DTNA: variants seen among roughly 807,000 people sequenced by gnomAD.
The protein encoded by DTNA is dystrophin-related protein 3.
A neutral mutation model predicts 100.7 loss-of-function variants in DTNA; 43 were observed. The ratio of observed to expected loss-of-function variants is 0.43; its 90% CI spans 0.33 to 0.55. DTNA has a LOEUF of 0.55. Ranked by LOEUF, DTNA falls within the 20% of genes least tolerant of loss-of-function variation. DTNA has a pLI of 0.04. For synonymous variants in DTNA, 349 were observed against 347.9 expected (o/e 1.00, Z -0.04); for missense variants, 798 against 953.9 (o/e 0.84, Z 2.15).
At chr18:34,784,785 T>G (rs2148869660) in intron 3 of DTNA, among the ~76,000 whole-genome samples, 1 of 152,272 alleles carries the variant, frequency 6.6e-6, no homozygotes, top group Non-Finnish European at 1.5e-5. Flanking sequence ...AAAATGCTGG[T>G]TGGATTTAAT....
chr18:34,635,248 T>C lies in DTNA; in HGVS notation c.-1-120728T>C, dbSNP rs78789598. On this transcript the variant is annotated intron_variant, in intron 1 of 19. Coordinates refer to the DTNA transcript ENST00000283365. The stretch of plus-strand genomic sequence containing the variant: ...ATTCTATTGTGTATATATGACACAC[T>C]TTTAATCCCCTTATCTGTGGATGTG... Among the ~76,000 whole-genome samples, 197 of 152,358 alleles carry C rather than the reference T, an allele frequency of 1.3e-3. 4 individuals are homozygous for C. In the East Asian group the frequency reaches 0.034, roughly 27 times the overall value.
At chr18:34,741,830 A>T (rs66540354) in intron 1 of DTNA, among the ~76,000 whole-genome samples, 16,314 of 152,182 alleles carry the variant, frequency 0.11, 1,237 homozygotes, top group African/African-American at 0.21. Flanking sequence ...ATAATAAATA[A>T]TAGTCAAATA....
chr18:34,602,375 G>A (rs190814083), intron 1 of DTNA, among the ~76,000 whole-genome samples: 8 of 152,220 alleles, frequency 5.3e-5, no homozygotes, highest in Admixed American at 1.3e-4. Context: ...GCTGTATACC[G>A]TATCCCTTTC....
At chr18:34,841,845 G>A (rs928193925) in intron 13 of DTNA, among the ~76,000 whole-genome samples, 2 of 152,016 alleles carry the variant, frequency 1.3e-5, no homozygotes, top group African/African-American at 2.4e-5. Flanking sequence ...TCTGTGTGGG[G>A]GTCTTCTACC....
chr18:34,814,381 T>A (rs1053808234), intron 6 of DTNA, among the ~76,000 whole-genome samples: 15 of 150,614 alleles, frequency 1.0e-4, no homozygotes, highest in Middle Eastern at 3.4e-3. Flanking sequence ...GACTGGGTTT[T>A]AAAAAAAAAA....
chr18:34,834,785 T>C lies in DTNA; in HGVS notation c.1176-3309T>C, dbSNP rs551005780. Among the ~76,000 whole-genome samples the C allele has an allele frequency of 4.6e-5, 7 of 152,266 alleles. No individual in the cohort carries two copies. In the South Asian group the frequency reaches 1.4e-3, roughly 32 times the overall value. Reference sequence around the variant, plus strand: ...GCCATTCATGAGGGATCTACCCCCATAACCCAAACACCTCCCATTAGGACC... The same window carrying C: ...GCCATTCATGAGGGATCTACCCCCACAACCCAAACACCTCCCATTAGGACC... On this transcript the variant is annotated intron_variant, in intron 11 of 22. Coordinates refer to ENST00000444659, the MANE Select transcript of DTNA (RefSeq NM_001386795.1).
At chr18:34,622,736 G>A (rs145287884) in intron 1 of DTNA, among the ~76,000 whole-genome samples, 249 of 152,242 alleles carry the variant, frequency 1.6e-3, no homozygotes, top group African/African-American at 5.8e-3. Context: ...TTAGACTTAC[G>A]TTATTCCTCG....
intron 1 of DTNA, chr18:34,493,635 CG>C (rs1262714508): frequency 6.7e-6 from 1 of 150,354 alleles, no homozygotes; most frequent in African/African-American, 2.4e-5. Context: ...TGCCCCCGGC[CG>C]CCCGGTGCAG....
intron 1 of DTNA, among the ~76,000 whole-genome samples, chr18:34,631,725 T>G (rs1406237744): frequency 6.6e-6 from 1 of 152,232 alleles, no homozygotes; most frequent in Non-Finnish European, 1.5e-5. Flanking sequence ...AACAAGGAAC[T>G]GTTACCACAT....
chr18:34,696,744 A>AGAT (rs1460609792), intron 1 of DTNA, among the ~76,000 whole-genome samples: 5 of 152,184 alleles, frequency 3.3e-5, no homozygotes, highest in Admixed American at 6.5e-5. Context: ...TTGGAAAGAA[A>AGAT]GATGATTTTT....
chr18:34,838,921 G>C (rs1254570072), intron 13 of DTNA, 84 bp downstream of exon 13: 9 of 1,164,694 alleles, frequency 7.7e-6, no homozygotes, highest in Non-Finnish European at 1.0e-5. Flanking sequence ...AAGGAGCAAG[G>C]TCACTGGATG....
chr18:34,712,176 CA>C (rs1002448972), intron 1 of DTNA, among the ~76,000 whole-genome samples: 11 of 150,978 alleles, frequency 7.3e-5, no homozygotes, highest in Non-Finnish European at 1.5e-4. Context: ...CAGAGAGAGA[CA>C]AAAAAATGAA....
At chr18:34,610,798 A>G (rs1223769330) in intron 1 of DTNA, among the ~76,000 whole-genome samples, 1 of 152,208 alleles carries the variant, frequency 6.6e-6, no homozygotes, top group East Asian at 1.9e-4. Context: ...CTTAAATTGG[A>G]ACAATAATAG....
intron 1 of DTNA, among the ~76,000 whole-genome samples, chr18:34,525,570 G>A (rs1233095140): frequency 2.0e-5 from 3 of 152,082 alleles, no homozygotes; most frequent in Non-Finnish European, 4.4e-5. Context: ...TAAGACCAGA[G>A]GCTTTTCTTT....
chr18:34,602,777 C>T (rs2579805), intron 1 of DTNA, among the ~76,000 whole-genome samples: 29,314 of 151,382 alleles, frequency 0.19, 3,133 homozygotes, highest in African/African-American at 0.27. Context: ...TTTGGGAGGC[C>T]GCCGGATCAG....
At chr18:34,759,887 C>G (rs1461299583) in intron 2 of DTNA, 1 of 152,082 alleles carries the variant, frequency 6.6e-6, no homozygotes, top group Admixed American at 6.6e-5. Flanking sequence ...TTCACCATGT[C>G]TGGCCAGGCT....
At chr18:34,518,255 T>G (rs1017665616) in intron 1 of DTNA, among the ~76,000 whole-genome samples, 1 of 152,156 alleles carries the variant, frequency 6.6e-6, no homozygotes, top group African/African-American at 2.4e-5. Context: ...CTTCATATCT[T>G]TTGCCCATTT....
chr18:34,824,657 AAAT>A lies in DTNA; in HGVS notation c.1002-2930_1002-2928del, dbSNP rs548641379. On this transcript the variant is annotated intron_variant, in intron 9 of 22. Transcript: ENST00000444659. ...TTATAAGATACAAATAAAATTAAGA[AAAT>A]AATAAGTGGAAAATGCTTTATCAAT... Among the ~76,000 whole-genome samples, 32 of 152,278 alleles carry A rather than the reference AAAT, an allele frequency of 2.1e-4. No individual in the cohort carries two copies. In the East Asian group the frequency reaches 6.2e-3, roughly 29 times the overall value.
chr18:34,759,318 C>T (rs920170048), intron 2 of DTNA, among the ~76,000 whole-genome samples: 2 of 152,184 alleles, frequency 1.3e-5, no homozygotes, highest in South Asian at 2.1e-4. Context: ...CTCTCCTTTT[C>T]TGTTGTTTTA....
Sources: gnomAD v4.1 joint callset for allele counts (sites outside exome capture counted in the v4.1 genomes callset) on GRCh38, gnomAD v4.1.1 for gene constraint, MANE v1.5 for transcripts, NCBI Gene and HGNC (gene_info 2026-07-23, HGNC 2026-07-21) for gene names.